PLEKHA6: variants seen among roughly 807,000 people sequenced by gnomAD.
The protein encoded by PLEKHA6 is pleckstrin homology domain-containing family A member 6.
PLEKHA6 carries 60 observed loss-of-function variants against 116.7 expected under a neutral mutation model. The ratio of observed to expected loss-of-function variants is 0.51; its 90% CI spans 0.42 to 0.64. PLEKHA6 has a LOEUF of 0.64. PLEKHA6 is among the 30% of genes least tolerant of loss of function. PLEKHA6 has a pLI of 0.00. For synonymous variants in PLEKHA6, 489 were observed against 556.1 expected (o/e 0.88, Z 1.70); for missense variants, 1,338 against 1,422.7 (o/e 0.94, Z 0.96).
At position 204,228,664 on chromosome 1, in the gene PLEKHA6, G is replaced by A. The variant is rs1165397789; in HGVS notation, c.2885+64C>T. ...GGCTCTGTGCCCCCAACGACTTCTA[G>A]TGGCCCAGGTGTCCTAGGTGCCAGG... On this transcript the variant is annotated intron_variant, in intron 20 of 22. Coordinates refer to ENST00000272203, the MANE Select transcript of PLEKHA6 (RefSeq NM_014935.5). This position sits in a 1 kb window ranked among gnomAD's most constrained non-coding sequence, Gnocchi z 4.0. 1.3e-6 allele frequency: 2 copies of A among 1,533,202 alleles called. No homozygotes were observed. The highest frequency in any genetic ancestry group is 1.8e-6 in the Non-Finnish European group (2 of 1,107,932). The allele number at this position is 1,533,202 out of a possible 1,614,324, so 95.0% of individuals were successfully genotyped here. A position where few individuals can be genotyped will look rare whatever the true frequency, so the allele number is the denominator to read the frequency against.
At chr1:204,352,133 G>A (rs758269552) in intron 1 of PLEKHA6, among the ~76,000 whole-genome samples, 13 of 151,830 alleles carry the variant, frequency 8.6e-5, no homozygotes, top group East Asian at 1.9e-4. Flanking sequence ...CAGCACTTCC[G>A]GAGGCCAAGG....
rs1442236949 is a variant in PLEKHA6, at chr1:204,223,511, A to T, written c.3106T>A (p.Ser1036Thr). Reference sequence around the variant, plus strand: ...TAGCTGCTGTCGGCGCCCCGTGGGGATTCAGACGACAGGGGGTTTGCTGGA... The same window carrying T: ...TAGCTGCTGTCGGCGCCCCGTGGGGTTTCAGACGACAGGGGGTTTGCTGGA... Reference protein sequence around the residue: ...APPANPLSSESPRGADSSYTM... With the variant: ...APPANPLSSETPRGADSSYTM... Residue 1036 changes from serine (S) to threonine (T), a missense_variant, in exon 22 of 23, where the codon TCC becomes ACC. Around this residue, in one of 3 missense-constraint regions of PLEKHA6, gnomAD observed 1,136 missense variants for 1,163.6 expected, o/e 0.98. Transcript: ENST00000272203. The surrounding 1 kb of genome is among the most constrained non-coding windows in gnomAD (Gnocchi z 4.8). 6.5e-7 allele frequency: 1 copy of T among 1,547,812 alleles called. No individual in the cohort carries two copies.
chr1:204,245,956 G>C (rs192268692), intron 13 of PLEKHA6, among the ~76,000 whole-genome samples: 5 of 152,122 alleles, frequency 3.3e-5, no homozygotes, highest in Admixed American at 6.5e-5. Flanking sequence ...AGAATTGCCC[G>C]AGTTTCTGAA....
chr1:204,295,988 C>A (rs1031384185), intron 1 of PLEKHA6, among the ~76,000 whole-genome samples: 1 of 152,092 alleles, frequency 6.6e-6, no homozygotes, highest in Non-Finnish European at 1.5e-5. Flanking sequence ...ACAGAAGCTA[C>A]GGGGTGCACG....
At chr1:204,340,564 G>C (rs753924721) in intron 1 of PLEKHA6, among the ~76,000 whole-genome samples, 4 of 152,150 alleles carry the variant, frequency 2.6e-5, no homozygotes, top group Non-Finnish European at 5.9e-5. Flanking sequence ...TGAGCCCCAA[G>C]GTAGAAGCTG....
chr1:204,370,146 T>C (rs902527897), intron 2 of PLEKHA6, among the ~76,000 whole-genome samples: 1 of 152,222 alleles, frequency 6.6e-6, no homozygotes, highest in South Asian at 2.1e-4. Context: ...TGCTTATTAG[T>C]CAAATGGCCT....
chr1:204,288,268 C>A (rs1454628620), intron 1 of PLEKHA6, among the ~76,000 whole-genome samples: 2 of 152,218 alleles, frequency 1.3e-5, no homozygotes, highest in African/African-American at 2.4e-5. Flanking sequence ...GCTGGGTTGC[C>A]TCAGCCAGCC....
At position 204,223,189 on chromosome 1, in the gene PLEKHA6, G is replaced by A. The variant is rs117141284; in HGVS notation, c.*8+273C>T. Among the ~76,000 whole-genome samples the A allele has an allele frequency of 2.0e-5, 3 of 152,126 alleles. No individual in the cohort carries two copies. The highest frequency in any genetic ancestry group is 3.9e-4 in the East Asian group (2 of 5,150). ...CCTGAGAGCAGACAGGTGAGGTCTC[G>A]GCTCCATTCCCTGCCTGCTTCTGGA... is the stretch of plus-strand genomic sequence containing the variant. On this transcript the variant is annotated intron_variant, in intron 22 of 22. Coordinates refer to ENST00000272203, the MANE Select transcript of PLEKHA6 (RefSeq NM_014935.5). The surrounding 1 kb of genome is among the most constrained non-coding windows in gnomAD (Gnocchi z 4.8).
chr1:204,319,965 A>G (rs1671998810), intron 1 of PLEKHA6, among the ~76,000 whole-genome samples: 2 of 152,106 alleles, frequency 1.3e-5, no homozygotes, highest in African/African-American at 4.8e-5. Flanking sequence ...CTGCGGGTCT[A>G]ATTCTAACAG....
intron 17 of PLEKHA6, 139 bp from the exon 18 acceptor site, chr1:204,230,725 A>C: frequency 1.5e-6 from 1 of 662,694 alleles, no homozygotes; most frequent in Non-Finnish European, 2.6e-6. Flanking sequence ...GATATGTCCA[A>C]GTCCCAACCC....
chr1:204,332,993 GC>G (rs1477595750), intron 1 of PLEKHA6, among the ~76,000 whole-genome samples: 1 of 152,230 alleles, frequency 6.6e-6, no homozygotes, highest in African/African-American at 2.4e-5. Flanking sequence ...GAAAGTTCCT[GC>G]CCCACCTAGG....
At chr1:204,260,661 C>G (rs60108785) in intron 7 of PLEKHA6, among the ~76,000 whole-genome samples, 1 of 152,086 alleles carries the variant, frequency 6.6e-6, no homozygotes, top group Admixed American at 6.5e-5. Flanking sequence ...GGACTTGGAG[C>G]CTACACTGTG....
chr1:204,326,862 AT>A, intron 1 of PLEKHA6: 1 of 426,086 alleles, frequency 2.3e-6, no homozygotes, highest in Non-Finnish European at 3.1e-6. Context: ...GCCTTTCATC[AT>A]CCTTAGACTA....
rs530853541 is a variant in PLEKHA6 at position 204,273,709 on chromosome 1, C to A, written c.19G>T (p.Gly7Trp). The change falls in exon 3 of 23, where the codon GGG becomes TGG. Residue 7 changes from glycine to tryptophan, a missense_variant. Transcript: ENST00000272203. The stretch of plus-strand genomic sequence containing the variant: ...CTGTTGGTGGTAGCCGGGCGTTTCC[C>A]ACCTGTTTTATTGGACATGTCCAAG... The part of the protein sequence containing the change: MSNKTG[G>W]KRPATTNSDI... The A allele has an allele frequency of 3.1e-6, 5 of 1,613,944 alleles. No homozygotes were observed. The South Asian group carries it at 5.5e-5, about 18-fold the overall frequency.
chr1:204,340,106 A>G (rs950918961), intron 1 of PLEKHA6, among the ~76,000 whole-genome samples: 1 of 152,178 alleles, frequency 6.6e-6, no homozygotes, highest in Admixed American at 6.5e-5. Flanking sequence ...ACCGCATGAG[A>G]ATTGGAAGGA....
chr1:204,343,069 T>C (rs922677722), intron 1 of PLEKHA6, among the ~76,000 whole-genome samples: 18 of 152,200 alleles, frequency 1.2e-4, no homozygotes, highest in African/African-American at 3.6e-4. Context: ...ATCACATCTT[T>C]TATGCAGCAA....
chr1:204,255,660 T>C, intron 9 of PLEKHA6: 1 of 702,906 alleles, frequency 1.4e-6, no homozygotes, highest in Non-Finnish European at 2.6e-6. Context: ...TCTTTGCAAC[T>C]GAAGATCTAA....
At chr1:204,325,263 G>A (rs1029541347) in intron 1 of PLEKHA6, among the ~76,000 whole-genome samples, 5 of 152,112 alleles carry the variant, frequency 3.3e-5, no homozygotes, top group East Asian at 1.9e-4. Flanking sequence ...CATAGAAAAC[G>A]AATGCCAGGA....
intron 9 of PLEKHA6, chr1:204,255,824 C>T (rs1665207822): frequency 4.8e-6 from 3 of 630,488 alleles, no homozygotes; most frequent in Middle Eastern, 2.6e-4. Flanking sequence ...TTGAGGAGTT[C>T]TCAGGAAGGG....
Sources: gnomAD v4.1 joint callset for allele counts (sites outside exome capture counted in the v4.1 genomes callset) on GRCh38, gnomAD v4.1.1 for gene constraint, gnomAD v4.1.1 regional missense constraint, Gnocchi (gnomAD v3.1) non-coding constraint, MANE v1.5 for transcripts, NCBI Gene and HGNC (gene_info 2026-07-23, HGNC 2026-07-21) for gene names.